FRMD6: variants seen among roughly 807,000 people sequenced by gnomAD.
The protein encoded by FRMD6 is FERM domain-containing protein 6.
Under a neutral mutation model 73.2 loss-of-function variants are expected in FRMD6, and 37 were observed. The observed-to-expected ratio is 0.51, with a 90% CI of 0.39 to 0.66. The LOEUF (loss-of-function observed/expected upper bound fraction) is 0.66. Ranked by LOEUF, FRMD6 falls within the 30% of genes least tolerant of loss-of-function variation. The pLI, the probability that FRMD6 is intolerant of heterozygous loss-of-function variation, is 0.00. For synonymous variants in FRMD6, 273 were observed against 282.2 expected (o/e 0.97, Z 0.33); for missense variants, 714 against 780.5 (o/e 0.91, Z 1.02).
intron 4 of FRMD6, among the ~76,000 whole-genome samples, chr14:51,701,368 T>C (rs1294276774): frequency 6.8e-6 from 1 of 146,324 alleles, no homozygotes; most frequent in African/African-American, 2.5e-5. Context: ...TTTCTATATA[T>C]GCTGAGTATA....
At chr14:51,589,806 C>A (rs147392803) in intron 2 of FRMD6, among the ~76,000 whole-genome samples, 317 of 152,320 alleles carry the variant, frequency 2.1e-3, no homozygotes, top group African/African-American at 6.8e-3. Flanking sequence ...TGGTGGCTCA[C>A]GCCTGTAATC....
At chr14:51,693,463 C>T (rs1008994811) in intron 2 of FRMD6, among the ~76,000 whole-genome samples, 1 of 152,106 alleles carries the variant, frequency 6.6e-6, no homozygotes, top group South Asian at 2.1e-4. Context: ...GGGTTGAAAT[C>T]CCTACTCCAC....
chr14:51,509,417 C>T (rs1370448587), intron 1 of FRMD6, among the ~76,000 whole-genome samples: 2 of 151,986 alleles, frequency 1.3e-5, no homozygotes, highest in African/African-American at 4.8e-5. Context: ...GTCCCAGCTA[C>T]TCGGGAGGCT....
chr14:51,708,444 T>A, intron 7 of FRMD6: 3 of 492,348 alleles, frequency 6.1e-6, no homozygotes, highest in Non-Finnish European at 1.1e-5. Flanking sequence ...GGGTGGAGTA[T>A]TTTTTAATGG....
chr14:51,615,520 C>A (rs1465283968), intron 2 of FRMD6, among the ~76,000 whole-genome samples: 4 of 152,152 alleles, frequency 2.6e-5, no homozygotes, highest in Non-Finnish European at 4.4e-5. Flanking sequence ...AATAAAAGCA[C>A]AGGGGCCTGC....
intron 12 of FRMD6, among the ~76,000 whole-genome samples, chr14:51,723,901 A>G (rs568640907): frequency 6.6e-6 from 1 of 152,322 alleles, no homozygotes; most frequent in South Asian, 2.1e-4. Context: ...GGTAAATAGT[A>G]AAAATTATAT....
intron 1 of FRMD6, among the ~76,000 whole-genome samples, chr14:51,530,205 G>A (rs1301036707): frequency 3.3e-5 from 5 of 152,068 alleles, no homozygotes; most frequent in African/African-American, 4.8e-5. Flanking sequence ...TACTCACATC[G>A]ATTCTGTCTG....
chr14:51,663,797 G>A (rs972757734), intron 1 of FRMD6, among the ~76,000 whole-genome samples: 3 of 152,136 alleles, frequency 2.0e-5, no homozygotes, highest in Admixed American at 6.5e-5. Context: ...TGGTTTGGGG[G>A]CCCTGAAGTC....
At chr14:51,699,982 A>T (rs1345446641) in intron 3 of FRMD6, among the ~76,000 whole-genome samples, 2 of 151,932 alleles carry the variant, frequency 1.3e-5, no homozygotes, top group African/African-American at 4.8e-5. Context: ...TTTCATTAAA[A>T]TTGGTTAACT....
intron 2 of FRMD6, among the ~76,000 whole-genome samples, chr14:51,628,758 GCCACT>G (rs1427491943): frequency 9.0e-6 from 1 of 110,984 alleles, no homozygotes; most frequent in Non-Finnish European, 1.7e-5. Context: ...CCGAGATCAT[GCCACT>G]CCACTCCAGC....
the FRMD6 span, among the ~76,000 whole-genome samples, chr14:51,432,294 G>C: frequency 6.6e-6 from 1 of 152,104 alleles, no homozygotes; most frequent in African/African-American, 2.4e-5. Flanking sequence ...GATGCCTAAT[G>C]TAAGGCTCCC....
chr14:51,654,192 G>A (rs1312434336), intron 1 of FRMD6, among the ~76,000 whole-genome samples: 1 of 151,724 alleles, frequency 6.6e-6, no homozygotes, highest in Non-Finnish European at 1.5e-5. Context: ...CCTGAAAACA[G>A]CATGGGCCTG....
chr14:51,589,350 G>GT (rs375240842), intron 2 of FRMD6, among the ~76,000 whole-genome samples: 1 of 25,212 alleles, frequency 4.0e-5, no homozygotes, highest in African/African-American at 9.7e-5. Context: ...TTTGTTTTTG[G>GT]TTTTTTTTGT....
At chr14:51,562,439 T>C (rs779787223) in intron 1 of FRMD6, among the ~76,000 whole-genome samples, 2 of 152,212 alleles carry the variant, frequency 1.3e-5, no homozygotes, top group African/African-American at 2.4e-5. Flanking sequence ...CAGGTATATA[T>C]ACTGTGGAGA....
chr14:51,397,182 G>A, the FRMD6 span: 7 of 152,274 alleles, frequency 4.6e-5, no homozygotes, highest in African/African-American at 1.4e-4. Context: ...CATCATAGAA[G>A]ACTTGGGCAG....
intron 1 of FRMD6, among the ~76,000 whole-genome samples, chr14:51,516,127 C>T (rs959290877): frequency 2.0e-5 from 3 of 152,102 alleles, no homozygotes; most frequent in Non-Finnish European, 4.4e-5. Context: ...GGAAGTTTCT[C>T]CTCCTGCCAA....
intron 1 of FRMD6, among the ~76,000 whole-genome samples, chr14:51,560,343 C>G (rs1455340842): frequency 3.9e-5 from 6 of 152,122 alleles, no homozygotes; most frequent in Non-Finnish European, 7.3e-5. Flanking sequence ...AAATTACACC[C>G]TGAATGGAGT....
rs183842555 is a variant in FRMD6 at position 51,698,274 on chromosome 14, C to A, written c.190+42C>A. 7 of 1,376,454 alleles carry A rather than the reference C, an allele frequency of 5.1e-6. No homozygotes were observed. In the East Asian group the frequency reaches 1.6e-4, roughly 32 times the overall value. 85.3% of individuals were successfully genotyped at this position (1,376,454 alleles called of 1,614,324 possible). On this transcript the variant is annotated intron_variant, in intron 3 of 13. Coordinates refer to ENST00000344768, the MANE Select transcript of FRMD6 (RefSeq NM_001267046.2). ...TCTCTGATGGATTTAGCCAACTATC[C>A]CTGAGGAAATGACATCTTATAGCTA...
At chr14:51,404,904 T>C in the FRMD6 span, among the ~76,000 whole-genome samples, 2 of 152,184 alleles carry the variant, frequency 1.3e-5, no homozygotes, top group Non-Finnish European at 2.9e-5. Context: ...TTAGTTATTT[T>C]TTCTGCTCCT....
Sources: gnomAD v4.1 joint callset for allele counts (sites outside exome capture counted in the v4.1 genomes callset) on GRCh38, gnomAD v4.1.1 for gene constraint, MANE v1.5 for transcripts, NCBI Gene and HGNC (gene_info 2026-07-23, HGNC 2026-07-21) for gene names.